The following CABYR variants were observed in gnomAD, a reference collection of about 807,000 sequenced individuals.
CABYR encodes the protein calcium binding tyrosine phosphorylation regulated, also known as calcium-binding tyrosine phosphorylation-regulated protein.
A neutral mutation model predicts 36.1 loss-of-function variants in CABYR; 31 were observed. The observed-to-expected ratio is 0.86, with a 90% CI of 0.64 to 1.16. The LOEUF is 1.16. CABYR is among the 50% of genes most tolerant of loss of function. The pLI, the probability that CABYR is intolerant of heterozygous loss-of-function variation, is 0.00. For synonymous variants in CABYR, 146 were observed against 160.7 expected (o/e 0.91, Z 0.69); for missense variants, 429 against 455.8 (o/e 0.94, Z 0.53).
In CABYR at chr18:24,150,783, GTTTTTTT is replaced by G. The variant is rs10715707; in HGVS notation, c.200-4909_200-4903del. ...CAGTTTTTTTGTTTTTTTGTTTTTT[GTTTTTTT>G]TTTTTTTTGAGACGGAGTCTCACTC... is the stretch of plus-strand genomic sequence containing the variant. On this transcript the variant is annotated intron_variant, in intron 3 of 5. Coordinates refer to ENST00000399496, the MANE Select transcript of CABYR (RefSeq NM_153769.3). Among the ~76,000 whole-genome samples, 6 of 113,586 alleles carry G rather than the reference GTTTTTTT, an allele frequency of 5.3e-5. No individual in the cohort carries two copies. In the East Asian group the frequency reaches 1.7e-3, roughly 33 times the overall value. 74.5% of individuals were successfully genotyped at this position (113,586 alleles called of 152,430 possible). A position where few individuals can be genotyped will look rare whatever the true frequency, so the allele number is the denominator to read the frequency against.
At chr18:24,153,689 G>C (rs2085696652) in intron 3 of CABYR, among the ~76,000 whole-genome samples, 1 of 152,140 alleles carries the variant, frequency 6.6e-6, no homozygotes, top group Non-Finnish European at 1.5e-5. Context: ...CTGGACTCAA[G>C]AAAAGTTATG....
chr18:24,157,204 C>G (rs527386414), intron 4 of CABYR, among the ~76,000 whole-genome samples: 22 of 152,264 alleles, frequency 1.4e-4, no homozygotes, highest in African/African-American at 5.1e-4. Context: ...TCCCCAAAGC[C>G]TGGCCTCAGA....
intron 3 of CABYR, among the ~76,000 whole-genome samples, chr18:24,150,366 G>A (rs563335799): frequency 6.6e-6 from 1 of 152,262 alleles, no homozygotes; most frequent in South Asian, 2.1e-4. Context: ...CAAATTACTA[G>A]CCACTTTCAC....
chr18:24,156,036 A>ATGTT lies in CABYR; in HGVS notation c.536_539dup (p.Leu180PhefsTer8). The ATGTT allele has an allele frequency of 6.2e-7, 1 of 1,614,132 alleles. No individual in the cohort carries two copies. ...TGACCCAGCTCAGCTTGCTGCTCAG[A>ATGTT]TGTTAGGTAAAGTTTCATCTATTCA... On this transcript the variant is annotated frameshift_variant, in exon 4 of 6. Coordinates refer to ENST00000399496, the MANE Select transcript of CABYR (RefSeq NM_153769.3). LOFTEE classifies it high-confidence loss of function.
At chr18:24,146,770 C>A (rs559902503) in intron 3 of CABYR, among the ~76,000 whole-genome samples, 1 of 152,232 alleles carries the variant, frequency 6.6e-6, no homozygotes, top group South Asian at 2.1e-4. Context: ...GGTAAAAGGG[C>A]ACTTTACTTT....
At chr18:24,144,714 A>C (rs1024038141) in intron 3 of CABYR, among the ~76,000 whole-genome samples, 29 of 152,318 alleles carry the variant, frequency 1.9e-4, no homozygotes, top group Middle Eastern at 3.4e-3. Context: ...CTTACCCCAG[A>C]CTCAGCTTAC....
rs139288247 is a variant in CABYR at position 24,142,213 on chromosome 18, G to A, written c.-24-878G>A. The stretch of plus-strand genomic sequence containing the variant: ...CCAGTACCTGTAATCCCAGCTACTC[G>A]GGAGGCTGAGGCAGAGAATTGCTTG... On this transcript the variant is annotated intron_variant, in intron 1 of 5. Coordinates refer to ENST00000399496, the MANE Select transcript of CABYR (RefSeq NM_153769.3). Among the ~76,000 whole-genome samples the A allele has an allele frequency of 5.6e-3, 852 of 152,044 alleles. 11 individuals are homozygous for A. Among genetic ancestry groups the A allele is most frequent in the African/African-American group, 0.018 (763 of 41,464 alleles).
intron 5 of CABYR, among the ~76,000 whole-genome samples, chr18:24,161,052 G>A (rs1322836687): frequency 1.3e-5 from 2 of 152,198 alleles, no homozygotes; most frequent in African/African-American, 4.8e-5. Flanking sequence ...GTTTTTATTA[G>A]ATCACTCAGG....
In CABYR at chr18:24,155,654, A is replaced by G. The variant is rs773219555; in HGVS notation, c.200-47A>G. 2.9e-6 allele frequency: 4 copies of G among 1,375,084 alleles called. No individual in the cohort carries two copies. In the African/African-American group the frequency reaches 5.8e-5, roughly 20 times the overall value. The allele number at this position is 1,375,084 out of a possible 1,614,324, so 85.2% of individuals were successfully genotyped here. On this transcript the variant is annotated intron_variant, in intron 3 of 5. Coordinates refer to ENST00000399496, the MANE Select transcript of CABYR (RefSeq NM_153769.3). ...TTCTTTAAAAATCTTTTCTTCTCTA[A>G]AAATCTTTTTAGATGTTAATTAACC...
At chr18:24,142,661 T>C (rs1013632126) in intron 1 of CABYR, among the ~76,000 whole-genome samples, 1 of 151,226 alleles carries the variant, frequency 6.6e-6, no homozygotes, top group East Asian at 1.9e-4. Flanking sequence ...TTTTTTAAAC[T>C]ACCATCAAGA....
In CABYR at chr18:24,143,190, C is replaced by G; in HGVS notation, c.76C>G (p.Leu26Val). The G allele has an allele frequency of 6.2e-7, 1 of 1,614,042 alleles. No homozygotes were observed. The highest frequency in any genetic ancestry group is 8.5e-7 in the Non-Finnish European group (1 of 1,179,984). The change falls in exon 2 of 6, where the codon CTC (leucine) becomes GTC (valine). Residue 26 changes from leucine to valine, a missense_variant. Leu to Val is a conservative substitution (Grantham distance 32). Coordinates refer to ENST00000399496, the MANE Select transcript of CABYR (RefSeq NM_153769.3). ...GCTCGAGGGAATTAGCAGAGCTGTT[C>G]TCAAAACCAACCCATCAAACATCAA... ...TLLEGISRAV[L>V]KTNPSNINQF...
At chr18:24,151,088 T>C (rs1319772121) in intron 3 of CABYR, among the ~76,000 whole-genome samples, 2 of 152,166 alleles carry the variant, frequency 1.3e-5, no homozygotes, top group Admixed American at 1.3e-4. Context: ...AGATTTCCCA[T>C]TCCATGCCAG....
intron 4 of CABYR, 45 bp downstream of exon 4, chr18:24,156,087 G>T: frequency 6.2e-7 from 1 of 1,614,182 alleles, no homozygotes; most frequent in Middle Eastern, 1.6e-4. Context: ...TGTGTTAATG[G>T]TGGATGTGGC....
chr18:24,156,567 T>C (rs111274080), intron 4 of CABYR: 4 of 1,614,180 alleles, frequency 2.5e-6, no homozygotes, highest in Non-Finnish European at 3.4e-6. Context: ...CTCTGGCATG[T>C]CTAAAAAATC....
At chr18:24,159,428 T>C (rs770740558) in intron 4 of CABYR, 44 bp from the exon 5 acceptor site, 23 of 1,398,974 alleles carry the variant, frequency 1.6e-5, no homozygotes, top group South Asian at 1.2e-4. Context: ...TAGTGCCTGA[T>C]ACAGAGACCA....
chr18:24,147,402 T>C (rs1270900190), intron 3 of CABYR, among the ~76,000 whole-genome samples: 5 of 152,168 alleles, frequency 3.3e-5, no homozygotes, highest in African/African-American at 7.2e-5. Flanking sequence ...CCCCTCAAGA[T>C]TGGGACCAGG....
rs374894551 is a variant in CABYR at position 24,143,258 on chromosome 18, A to C, written c.144A>C (p.Arg48Ser). The change falls in exon 2 of 6, where the codon AGA becomes AGC. Residue 48 changes from arginine to serine, a missense_variant and splice_region_variant. By Grantham distance (110) the Arg-to-Ser change is moderately radical (BLOSUM62 -1). Coordinates refer to ENST00000399496, the MANE Select transcript of CABYR (RefSeq NM_153769.3). ...AAYFQELTMY[R>S]GNTTMDIKDL... ...ATTTTCAAGAACTTACTATGTATAG[A>C]GGTTTGTTATTCCTTTATATATTTG... is the stretch of plus-strand genomic sequence containing the variant. 6.8e-6 allele frequency: 11 copies of C among 1,608,396 alleles called. No homozygotes were observed. In the Admixed American group the frequency reaches 1.7e-4, roughly 25 times the overall value.
chr18:24,152,286 C>T (rs1479588616), intron 3 of CABYR, among the ~76,000 whole-genome samples: 1 of 152,174 alleles, frequency 6.6e-6, no homozygotes, highest in African/African-American at 2.4e-5. Context: ...TCAGTGCTTT[C>T]AGATGCATTA....
intron 1 of CABYR, among the ~76,000 whole-genome samples, 188 bp from the exon 2 acceptor site, chr18:24,142,903 T>C (rs971130021): frequency 6.6e-6 from 1 of 151,512 alleles, no homozygotes; most frequent in East Asian, 1.9e-4. Context: ...TGTGGTGCCA[T>C]GTGCCTGTAG....
Sources: allele counts gnomAD v4.1 joint callset (sites outside exome capture counted in the v4.1 genomes callset), GRCh38; gene constraint gnomAD v4.1.1; transcripts MANE v1.5; gene names NCBI Gene and HGNC (gene_info 2026-07-23, HGNC 2026-07-21).